The following PSPC1 variants were observed in gnomAD, a reference collection of about 807,000 sequenced individuals.
PSPC1 encodes the protein paraspeckle component 1.
A neutral mutation model predicts 51.6 loss-of-function variants in PSPC1; 14 were observed. The observed-to-expected ratio is 0.27, with a 90% confidence interval of 0.18 to 0.42. The LOEUF is 0.42. PSPC1 is among the 10% of genes least tolerant of loss of function. The pLI is 1.00. For missense variants in PSPC1, 406 were observed against 701.1 expected, an observed-to-expected ratio of 0.58 and a Z score of 4.75; for synonymous variants, 193 against 231.9, an observed-to-expected ratio of 0.83 and a Z score of 1.53.
At chr13:19,779,378 T>TGG (rs1184763998) in intron 1 of PSPC1, among the ~76,000 whole-genome samples, 6 of 78,134 alleles carry the variant, frequency 7.7e-5, no homozygotes, top group Admixed American at 1.3e-4. Flanking sequence ...GGGAGGGAGG[T>TGG]GGGGGGGTCA....
chr13:19,782,676 C>T lies in PSPC1; in HGVS notation c.82G>A (p.Glu28Lys). The T allele has an allele frequency of 6.4e-7, 1 of 1,563,996 alleles. No individual in the cohort carries two copies. The highest frequency in any genetic ancestry group is 2.5e-5 in the East Asian group (1 of 40,634). The part of the protein sequence containing the change: ...RLRALESAVG[E>K]SEPAAAAAMA... ...GCTGCCGCGGCCGCCGGCTCGCTCT[C>T]GCCCACCGCGGACTCCAGGGCGCGA... is the stretch of plus-strand genomic sequence containing the variant. The change falls in exon 1 of 9, where the codon GAG becomes AAG. Residue 28 changes from glutamate to lysine, a missense_variant. Around this residue, in one of 5 missense-constraint regions of PSPC1, gnomAD observed 128 missense variants for 107.1 expected, o/e 1.20. Transcript: ENST00000338910. This position sits in a 1 kb window ranked among gnomAD's most constrained non-coding sequence, Gnocchi z 4.5.
chr13:19,770,458 G>C (rs937428384), intron 2 of PSPC1, among the ~76,000 whole-genome samples: 2 of 151,924 alleles, frequency 1.3e-5, no homozygotes, highest in African/African-American at 2.4e-5. Flanking sequence ...TCAGGAGTTC[G>C]AGACCAGCCT....
At chr13:19,684,333 T>G (rs995263329) in intron 6 of PSPC1, among the ~76,000 whole-genome samples, 1 of 152,264 alleles carries the variant, frequency 6.6e-6, no homozygotes, top group Non-Finnish European at 1.5e-5. Context: ...ATTGCATTTT[T>G]TAGTTCAAGA....
chr13:19,765,223 T>C (rs923589357), intron 2 of PSPC1, among the ~76,000 whole-genome samples: 3 of 151,028 alleles, frequency 2.0e-5, no homozygotes, highest in African/African-American at 4.9e-5. Flanking sequence ...ACTCAGGAGG[T>C]TGAGGCACAG....
intron 6 of PSPC1, among the ~76,000 whole-genome samples, chr13:19,716,255 A>ATG (rs1882079178): frequency 6.6e-6 from 1 of 152,134 alleles, no homozygotes; most frequent in Non-Finnish European, 1.5e-5. Flanking sequence ...GTGGGTGTAT[A>ATG]TGTGTGTGTG....
intron 6 of PSPC1, among the ~76,000 whole-genome samples, chr13:19,684,110 A>G (rs928437125): frequency 6.6e-6 from 1 of 152,216 alleles, no homozygotes; most frequent in African/African-American, 2.4e-5. Flanking sequence ...AGGAAGTGAG[A>G]CATGTCACTG....
intron 4 of PSPC1, among the ~76,000 whole-genome samples, chr13:19,749,529 A>C (rs1886321015): frequency 1.3e-5 from 2 of 151,124 alleles, no homozygotes; most frequent in African/African-American, 4.8e-5. Context: ...TCTGTCTCAA[A>C]AAAAAAAAAA....
intron 4 of PSPC1, among the ~76,000 whole-genome samples, chr13:19,743,831 T>TAA (rs1220795307): frequency 6.6e-6 from 1 of 152,092 alleles, no homozygotes; most frequent in African/African-American, 2.4e-5. Context: ...GACCAGTATT[T>TAA]AAGTAATGGC....
intron 2 of PSPC1, among the ~76,000 whole-genome samples, chr13:19,771,103 C>T: frequency 6.6e-6 from 1 of 151,856 alleles, no homozygotes; most frequent in South Asian, 2.1e-4. Context: ...GTGCACTCCA[C>T]CACGCTGCCC....
At chr13:19,671,922 ACT>A (rs371541617), downstream of PSPC1, 128 of 1,571,948 alleles carry the variant, frequency 8.1e-5, no homozygotes, top group African/African-American at 1.3e-3. Context: ...CGATTCCTAT[ACT>A]CTCTTTGACA....
intron 2 of PSPC1, among the ~76,000 whole-genome samples, chr13:19,769,562 C>G (rs1428196912): frequency 1.4e-5 from 2 of 147,376 alleles, no homozygotes; most frequent in African/African-American, 5.0e-5. Flanking sequence ...CAAAAAAAAA[C>G]CCCGTCTTAC....
Position 19,751,487 on chromosome 13 carries a change from T to C in PSPC1, c.771-20A>G. 2 of 1,448,752 alleles carry C rather than the reference T, an allele frequency of 1.4e-6. No individual in the cohort carries two copies. Among genetic ancestry groups the C allele is most frequent in the South Asian group, 1.6e-5 (1 of 64,458 alleles). The allele number at this position is 1,448,752 out of a possible 1,614,324, so 89.7% of individuals were successfully genotyped here. On this transcript the variant is annotated intron_variant, in intron 3 of 8. Transcript: ENST00000338910. ...CTTTCCCTAAATTAACATTAAAACA[T>C]ACAGAAATGTATGCTTAAAAGGTAA...
intron 5 of PSPC1, among the ~76,000 whole-genome samples, chr13:19,735,715 C>T (rs1884691666): frequency 6.6e-6 from 1 of 152,128 alleles, no homozygotes. Flanking sequence ...TAAATCTCTT[C>T]AATTTAATTG....
chr13:19,704,000 C>A (rs1052709072), intron 8 of PSPC1, among the ~76,000 whole-genome samples: 13 of 152,172 alleles, frequency 8.5e-5, no homozygotes. Context: ...AAAAACTTCA[C>A]AATAATCATA....
downstream of PSPC1, chr13:19,672,118 G>A (rs1266848369): frequency 1.5e-5 from 7 of 465,978 alleles, no homozygotes; most frequent in Non-Finnish European, 2.7e-5. Flanking sequence ...TAGTACATAT[G>A]AGGATTATTT....
downstream of PSPC1, among the ~76,000 whole-genome samples, chr13:19,673,964 A>ATCTC (rs930936306): frequency 3.9e-5 from 6 of 152,360 alleles, 1 homozygote; most frequent in African/African-American, 1.4e-4. Flanking sequence ...TCATGTCCGG[A>ATCTC]TCTCCTAGTC....
At chr13:19,706,964 C>G (rs1880756721) in intron 7 of PSPC1, among the ~76,000 whole-genome samples, 1 of 152,144 alleles carries the variant, frequency 6.6e-6, no homozygotes, top group African/African-American at 2.4e-5. Context: ...TGCCGATAAA[C>G]AGACTTTAAC....
chr13:19,757,101 G>C (rs1440674031), intron 3 of PSPC1, among the ~76,000 whole-genome samples: 1 of 145,162 alleles, frequency 6.9e-6, no homozygotes, highest in African/African-American at 2.5e-5. Flanking sequence ...CTGCACTCCA[G>C]CCTGGGCAAT....
At chr13:19,733,792 T>C (rs893615335) in intron 5 of PSPC1, among the ~76,000 whole-genome samples, 2 of 121,958 alleles carry the variant, frequency 1.6e-5, no homozygotes, top group Non-Finnish European at 3.6e-5. Flanking sequence ...AAAAAATATA[T>C]ATATATATAT....
Sources: allele counts gnomAD v4.1 joint callset (sites outside exome capture counted in the v4.1 genomes callset), GRCh38; gene constraint gnomAD v4.1.1; regional missense constraint gnomAD v4.1.1; non-coding constraint Gnocchi (gnomAD v3.1); transcripts MANE v1.5; gene names NCBI Gene and HGNC (gene_info 2026-07-23, HGNC 2026-07-21).